PDE1A: variants seen among roughly 807,000 people sequenced by gnomAD.
PDE1A encodes the protein phosphodiesterase 1A.
In PDE1A, 35 loss-of-function variants were observed where a neutral mutation model predicts 61.7. The observed-to-expected ratio is 0.57, with a 90% CI of 0.43 to 0.75. PDE1A has a LOEUF of 0.75. Ranked by LOEUF, PDE1A falls within the 30% of genes least tolerant of loss-of-function variation. PDE1A has a pLI of 0.00. For missense variants in PDE1A, 597 were observed against 630.6 expected (o/e 0.95, Z 0.57); for synonymous variants, 232 against 213.2 (o/e 1.09, Z -0.77).
the PDE1A span, among the ~76,000 whole-genome samples, chr2:182,583,706 C>G: frequency 6.6e-6 from 1 of 152,138 alleles, no homozygotes; most frequent in African/African-American, 2.4e-5. Context: ...TTTTCCAGTG[C>G]AATTTTTCTG....
intron 2 of PDE1A, among the ~76,000 whole-genome samples, chr2:182,473,379 T>C (rs1687156091): frequency 1.3e-5 from 2 of 151,938 alleles, no homozygotes; most frequent in East Asian, 1.9e-4. Context: ...AACCCACTCA[T>C]CTGACAAAGG....
chr2:182,483,384 G>T (rs1687822344), intron 2 of PDE1A, among the ~76,000 whole-genome samples: 1 of 151,786 alleles, frequency 6.6e-6, no homozygotes, highest in African/African-American at 2.4e-5. Flanking sequence ...ATTTTCAAAT[G>T]CACACACAAT....
chr2:182,484,757 G>GA (rs914177878), intron 2 of PDE1A, among the ~76,000 whole-genome samples: 12 of 149,182 alleles, frequency 8.0e-5, no homozygotes, highest in South Asian at 2.1e-4. Flanking sequence ...ACAAGCATGT[G>GA]AAAAAAAAAG....
chr2:182,333,416 A>G (rs1292178153), intron 1 of PDE1A, among the ~76,000 whole-genome samples: 1 of 152,224 alleles, frequency 6.6e-6, no homozygotes, highest in Non-Finnish European at 1.5e-5. Context: ...AGAACTCAGG[A>G]TTAAAAAATT....
intron 2 of PDE1A, among the ~76,000 whole-genome samples, chr2:182,442,686 C>CAA (rs1226011437): frequency 3.3e-5 from 5 of 151,792 alleles, no homozygotes; most frequent in Non-Finnish European, 5.9e-5. Flanking sequence ...CCTGGACTTC[C>CAA]CTGTACTATT....
chr2:182,281,294 T>G (rs1268279169), intron 1 of PDE1A, among the ~76,000 whole-genome samples: 6 of 151,984 alleles, frequency 3.9e-5, no homozygotes. Flanking sequence ...CAATTTGCTT[T>G]TAAAATGTCC....
intron 10 of PDE1A, among the ~76,000 whole-genome samples, chr2:182,189,723 TAC>T (rs745396547): frequency 4.6e-5 from 7 of 152,244 alleles, no homozygotes; most frequent in Non-Finnish European, 1.0e-4. Flanking sequence ...ATTGGGGTTT[TAC>T]TTCATGAGAA....
chr2:182,665,713 T>G, the PDE1A span, among the ~76,000 whole-genome samples: 16 of 152,364 alleles, frequency 1.1e-4, 1 homozygote, highest in South Asian at 8.3e-4. Flanking sequence ...ATTCCATTAC[T>G]GGGCATATAT....
At chr2:182,445,581 G>A (rs1412089757) in intron 2 of PDE1A, among the ~76,000 whole-genome samples, 1 of 152,092 alleles carries the variant, frequency 6.6e-6, no homozygotes, top group Non-Finnish European at 1.5e-5. Context: ...GCTTCAACGT[G>A]AAAGCTATAC....
At chr2:182,513,065 G>A (rs1003752205) in intron 2 of PDE1A, among the ~76,000 whole-genome samples, 1 of 152,164 alleles carries the variant, frequency 6.6e-6, no homozygotes, top group African/African-American at 2.4e-5. Flanking sequence ...AACCTCACTA[G>A]AGAGGTTGAC....
the PDE1A span, among the ~76,000 whole-genome samples, chr2:182,716,754 C>G: frequency 2.0e-5 from 3 of 152,186 alleles, no homozygotes; most frequent in African/African-American, 4.8e-5. Context: ...CCTGTTCCCC[C>G]GTGTCTTCAT....
At chr2:182,489,159 C>T (rs34558843) in intron 2 of PDE1A, among the ~76,000 whole-genome samples, 11,222 of 152,114 alleles carry the variant, frequency 0.074, 1,339 homozygotes, top group African/African-American at 0.25. Context: ...GAATGTATCT[C>T]AGACAAGAGT....
intron 1 of PDE1A, among the ~76,000 whole-genome samples, chr2:182,297,210 T>A (rs923605622): frequency 2.0e-5 from 3 of 152,212 alleles, no homozygotes; most frequent in African/African-American, 7.2e-5. Flanking sequence ...TTTTGGCAGT[T>A]ACAGGGTTAT....
intron 1 of PDE1A, among the ~76,000 whole-genome samples, chr2:182,267,792 T>C (rs555575428): frequency 6.6e-6 from 1 of 152,230 alleles, no homozygotes; most frequent in African/African-American, 2.4e-5. Flanking sequence ...TCTTCCTAGA[T>C]AATACAAGGT....
chr2:182,639,093 C>T, the PDE1A span, among the ~76,000 whole-genome samples: 9 of 152,156 alleles, frequency 5.9e-5, no homozygotes, highest in East Asian at 1.9e-4. Flanking sequence ...GAGGAACATA[C>T]ATCATAAGTA....
the PDE1A span, among the ~76,000 whole-genome samples, chr2:182,545,747 A>C: frequency 6.6e-6 from 1 of 152,238 alleles, no homozygotes. Context: ...TGACTTCTGC[A>C]GCACAGTGAA....
At chr2:182,435,505 G>A (rs1485232077) in intron 2 of PDE1A, among the ~76,000 whole-genome samples, 1 of 152,114 alleles carries the variant, frequency 6.6e-6, no homozygotes, top group Non-Finnish European at 1.5e-5. Flanking sequence ...TGCGGCATTC[G>A]CCTGCAGTTA....
At chr2:182,672,659 A>C in the PDE1A span, among the ~76,000 whole-genome samples, 1 of 152,224 alleles carries the variant, frequency 6.6e-6, no homozygotes, top group East Asian at 1.9e-4. Context: ...TTCCTGGAGC[A>C]CATTGACCAG....
intron 7 of PDE1A, among the ~76,000 whole-genome samples, chr2:182,222,961 T>TA (rs1367151641): frequency 6.6e-6 from 1 of 151,950 alleles, no homozygotes; most frequent in African/African-American, 2.4e-5. Context: ...GAGGTTAGGG[T>TA]AACTCTCTGT....
Sources: gnomAD v4.1 joint callset for allele counts (sites outside exome capture counted in the v4.1 genomes callset) on GRCh38, gnomAD v4.1.1 for gene constraint, MANE v1.5 for transcripts, NCBI Gene and HGNC (gene_info 2026-07-23, HGNC 2026-07-21) for gene names.